Variants in LARGE1 observed in about 807,000 individuals in gnomAD.
LARGE1 encodes xylosyl- and glucuronyltransferase LARGE1.
In LARGE1, 43 loss-of-function variants were observed where a neutral mutation model predicts 87.6. That is an observed-to-expected ratio of 0.49 (90% confidence interval 0.38 to 0.63). The LOEUF is 0.63. LARGE1 is among the 30% of genes least tolerant of loss of function. The probability of loss-of-function intolerance (pLI) is 0.00; values close to 1 mark genes in which losing one functional copy is unlikely to be tolerated. For missense variants in LARGE1, 802 were observed against 1,000.2 expected (o/e 0.80, Z 2.67); for synonymous variants, 434 against 394.6 (o/e 1.10, Z -1.18).
chr22:33,725,301 A>C (rs922094306), intron 2 of LARGE1, among the ~76,000 whole-genome samples: 4 of 152,196 alleles, frequency 2.6e-5, no homozygotes, highest in Non-Finnish European at 1.5e-5. Flanking sequence ...AGGAGCACAG[A>C]GGCGACAGGG....
chr22:33,912,837 G>GT (rs35195367), intron 1 of LARGE1, among the ~76,000 whole-genome samples: 61,238 of 143,546 alleles, frequency 0.43, 13,591 homozygotes, highest in Non-Finnish European at 0.51. Context: ...AGACAAGCAT[G>GT]TTTTTTTTTT....
At chr22:33,680,005 T>C (rs2081708009) in intron 2 of LARGE1, among the ~76,000 whole-genome samples, 1 of 152,172 alleles carries the variant, frequency 6.6e-6, no homozygotes, top group South Asian at 2.1e-4. Flanking sequence ...GTTTCAGTCA[T>C]CCAGTTTGTG....
At chr22:33,578,172 G>A (rs145609342) in intron 5 of LARGE1, among the ~76,000 whole-genome samples, 211 of 152,322 alleles carry the variant, frequency 1.4e-3, no homozygotes, top group African/African-American at 4.8e-3. Context: ...ACCAGATTGT[G>A]AGGATGGCTG....
chr22:33,833,227 T>A (rs1437123871), intron 1 of LARGE1, among the ~76,000 whole-genome samples: 1 of 152,246 alleles, frequency 6.6e-6, no homozygotes, highest in East Asian at 1.9e-4. Context: ...TTACCAATTA[T>A]AAAGTCTAAT....
chr22:33,616,768 T>C (rs13054168), intron 4 of LARGE1, among the ~76,000 whole-genome samples: 54 of 151,944 alleles, frequency 3.6e-4, no homozygotes, highest in Non-Finnish European at 7.1e-4. Flanking sequence ...AACAGGCAAA[T>C]CCAAAAAGAC....
chr22:33,261,748 C>T (rs1927636809), intron 11 of LARGE1, among the ~76,000 whole-genome samples: 1 of 152,148 alleles, frequency 6.6e-6, no homozygotes, highest in African/African-American at 2.4e-5. Flanking sequence ...AATGACTGCT[C>T]TGCTAATGAG....
intron 5 of LARGE1, among the ~76,000 whole-genome samples, chr22:33,599,173 A>G (rs1341564940): frequency 6.7e-6 from 1 of 150,314 alleles, no homozygotes. Flanking sequence ...ATCTCATACC[A>G]TTTCTTTTGG....
At chr22:33,832,228 G>A (rs1227023074) in intron 1 of LARGE1, among the ~76,000 whole-genome samples, 10 of 152,114 alleles carry the variant, frequency 6.6e-5, no homozygotes, top group Non-Finnish European at 2.9e-5. Flanking sequence ...CACTTAGCTC[G>A]AGCTCCAGAA....
At chr22:33,676,413 G>C (rs1286095059) in intron 2 of LARGE1, among the ~76,000 whole-genome samples, 1 of 121,012 alleles carries the variant, frequency 8.3e-6, no homozygotes, top group Non-Finnish European at 1.7e-5. Flanking sequence ...AAGCTGGCTG[G>C]TTAAAAGCAT....
chr22:33,620,974 C>T (rs1239347924), intron 4 of LARGE1, among the ~76,000 whole-genome samples: 2 of 152,050 alleles, frequency 1.3e-5, no homozygotes, highest in African/African-American at 2.4e-5. Context: ...ACACAAGACG[C>T]AAAAGTCCTA....
intron 3 of LARGE1, among the ~76,000 whole-genome samples, chr22:33,630,109 G>T (rs898197692): frequency 6.6e-6 from 1 of 152,144 alleles, no homozygotes; most frequent in Non-Finnish European, 1.5e-5. Flanking sequence ...TGAGGCAGGA[G>T]AATCGCTTGA....
At chr22:33,884,594 G>C (rs1258984012) in intron 1 of LARGE1, among the ~76,000 whole-genome samples, 3 of 152,258 alleles carry the variant, frequency 2.0e-5, no homozygotes, top group Non-Finnish European at 4.4e-5. Flanking sequence ...GGCCCTGAAA[G>C]GCCAGATGCC....
At chr22:33,903,114 A>C (rs1480255509) in intron 1 of LARGE1, among the ~76,000 whole-genome samples, 1 of 152,328 alleles carries the variant, frequency 6.6e-6, no homozygotes, top group African/African-American at 2.4e-5. Flanking sequence ...CCCAGGCAAC[A>C]AGAGCGAAAC....
intron 13 of LARGE1, among the ~76,000 whole-genome samples, chr22:33,281,727 G>C (rs1027773201): frequency 2.6e-5 from 4 of 152,202 alleles, no homozygotes; most frequent in Non-Finnish European, 5.9e-5. Flanking sequence ...CAGAATTCTG[G>C]ATAGAGGAAG....
intron 11 of LARGE1, among the ~76,000 whole-genome samples, chr22:33,310,500 G>A (rs1935447190): frequency 6.6e-6 from 1 of 152,060 alleles, no homozygotes; most frequent in Non-Finnish European, 1.5e-5. Context: ...CATGGCCATG[G>A]TTGCAACGTT....
intron 2 of LARGE1, among the ~76,000 whole-genome samples, chr22:33,709,906 C>T (rs1001853608): frequency 6.7e-6 from 1 of 148,522 alleles, no homozygotes; most frequent in Non-Finnish European, 1.5e-5. Context: ...GGATTACAGG[C>T]GTGAGCCACC....
chr22:33,576,278 G>A (rs1261758625), intron 5 of LARGE1, among the ~76,000 whole-genome samples: 1 of 152,202 alleles, frequency 6.6e-6, no homozygotes, highest in Admixed American at 6.5e-5. Context: ...TTCTGATGGG[G>A]ATATACTGAT....
chr22:33,593,259 T>C lies in LARGE1; in HGVS notation c.615+11176A>G, dbSNP rs181273266. On this transcript the variant is annotated intron_variant, in intron 5 of 14. Coordinates refer to ENST00000397394, the MANE Select transcript of LARGE1 (RefSeq NM_133642.5). ...GGTTTCGCCATGTTGCCCAGGTGGG[T>C]CTCGAACTCCTGGGCTCAAGTGATC... 2.9e-4 allele frequency among the ~76,000 whole-genome samples: 43 copies of C among 149,636 alleles called. No individual in the cohort carries two copies. In the East Asian group the frequency reaches 8.5e-3, roughly 29 times the overall value.
At chr22:33,780,980 G>A (rs139342240) in intron 1 of LARGE1, among the ~76,000 whole-genome samples, 2,004 of 152,322 alleles carry the variant, frequency 0.013, 19 homozygotes, top group Non-Finnish European at 0.019. Flanking sequence ...CAATAACTGC[G>A]ATAGCGCACA....
Sources: allele counts gnomAD v4.1 joint callset (sites outside exome capture counted in the v4.1 genomes callset), GRCh38; gene constraint gnomAD v4.1.1; transcripts MANE v1.5; gene names NCBI Gene and HGNC (gene_info 2026-07-23, HGNC 2026-07-21).